SH3RF2: variants seen among roughly 807,000 people sequenced by gnomAD.
The protein encoded by SH3RF2 is E3 ubiquitin-protein ligase SH3RF2.
A neutral mutation model predicts 59.0 loss-of-function variants in SH3RF2; 43 were observed. The ratio of observed to expected loss-of-function variants is 0.73; its 90% CI spans 0.57 to 0.94. The LOEUF is 0.94. Among genes scored for constraint, SH3RF2 ranks in the 40% least tolerant of loss-of-function variants. The pLI, the probability that SH3RF2 is intolerant of heterozygous loss-of-function variation, is 0.00. For missense variants in SH3RF2, 930 were observed against 940.1 expected (o/e 0.99, Z 0.14); for synonymous variants, 391 against 391.5 (o/e 1.00, Z 0.01).
intron 4 of SH3RF2, among the ~76,000 whole-genome samples, chr5:146,007,182 C>G (rs78778224): frequency 0.014 from 2,147 of 152,248 alleles, 54 homozygotes; most frequent in African/African-American, 0.049. Context: ...GTTTGGATTT[C>G]TTAAAGACTG....
At chr5:146,048,373 A>G (rs1437732669) in intron 6 of SH3RF2, among the ~76,000 whole-genome samples, 1 of 151,912 alleles carries the variant, frequency 6.6e-6, no homozygotes, top group African/African-American at 2.4e-5. Context: ...TCATTATTTT[A>G]CAAAAGTAGA....
intron 2 of SH3RF2, among the ~76,000 whole-genome samples, chr5:145,966,337 G>A (rs1156532513): frequency 6.6e-6 from 1 of 152,170 alleles, no homozygotes; most frequent in African/African-American, 2.4e-5. Flanking sequence ...AGATTCTGGA[G>A]ACTCAATTTC....
chr5:145,957,534 T>C (rs553324762), intron 2 of SH3RF2, among the ~76,000 whole-genome samples: 20 of 152,190 alleles, frequency 1.3e-4, no homozygotes, highest in Non-Finnish European at 2.5e-4. Flanking sequence ...TGTTTAACTA[T>C]TGCAGCCCCT....
chr5:146,046,085 G>C (rs11740646), intron 5 of SH3RF2, among the ~76,000 whole-genome samples: 1 of 151,952 alleles, frequency 6.6e-6, no homozygotes, highest in Non-Finnish European at 1.5e-5. Flanking sequence ...AATCATTGAC[G>C]TAGACACATG....
At chr5:145,980,912 C>A (rs773412123) in intron 2 of SH3RF2, among the ~76,000 whole-genome samples, 1 of 152,100 alleles carries the variant, frequency 6.6e-6, no homozygotes, top group Non-Finnish European at 1.5e-5. Context: ...TCACTTCCTC[C>A]CCCTACTGGA....
intron 5 of SH3RF2, among the ~76,000 whole-genome samples, chr5:146,025,945 T>C (rs1299738810): frequency 1.3e-5 from 2 of 152,224 alleles, no homozygotes; most frequent in African/African-American, 4.8e-5. Flanking sequence ...TAACTCAAGC[T>C]GCAGCCATTG....
intron 7 of SH3RF2, among the ~76,000 whole-genome samples, chr5:146,049,664 A>C (rs765359355): frequency 2.6e-5 from 4 of 152,004 alleles, no homozygotes; most frequent in African/African-American, 4.8e-5. Context: ...ACTTCCCCAG[A>C]GCACCTCGGG....
intron 2 of SH3RF2, among the ~76,000 whole-genome samples, chr5:145,990,320 C>G (rs1282250098): frequency 6.6e-6 from 1 of 152,224 alleles, no homozygotes; most frequent in Non-Finnish European, 1.5e-5. Flanking sequence ...CCAAAGTCCA[C>G]AACCTGAAGG....
chr5:145,953,881 A>G (rs537237677), intron 2 of SH3RF2, among the ~76,000 whole-genome samples: 1 of 152,278 alleles, frequency 6.6e-6, no homozygotes, highest in South Asian at 2.1e-4. Context: ...CCCTCAAAAG[A>G]CACGATCTCA....
chr5:146,037,467 A>G (rs1165206478), intron 5 of SH3RF2, among the ~76,000 whole-genome samples: 3 of 152,120 alleles, frequency 2.0e-5, no homozygotes, highest in Non-Finnish European at 4.4e-5. Flanking sequence ...ACTTGAATTG[A>G]TGATGTATGG....
chr5:146,015,923 A>G (rs1360220198), intron 5 of SH3RF2, among the ~76,000 whole-genome samples: 2 of 152,212 alleles, frequency 1.3e-5, no homozygotes, highest in Non-Finnish European at 2.9e-5. Context: ...TGGCCCACTT[A>G]TGACATATCT....
intron 2 of SH3RF2, among the ~76,000 whole-genome samples, chr5:145,949,599 C>G (rs1758118143): frequency 6.6e-6 from 1 of 152,150 alleles, no homozygotes; most frequent in African/African-American, 2.4e-5. Context: ...CAAATTTCTC[C>G]TCAGAGTGGT....
At chr5:145,992,737 G>T (rs1759997215) in intron 2 of SH3RF2, among the ~76,000 whole-genome samples, 1 of 152,036 alleles carries the variant, frequency 6.6e-6, no homozygotes, top group Admixed American at 6.6e-5. Context: ...GGAAAGACTT[G>T]CCCCTGTGAT....
intron 4 of SH3RF2, among the ~76,000 whole-genome samples, chr5:146,007,075 G>A (rs760156101): frequency 5.9e-5 from 9 of 152,216 alleles, no homozygotes; most frequent in Non-Finnish European, 8.8e-5. Flanking sequence ...AAGGGAACAC[G>A]TGAAACACTG....
At chr5:146,006,408 A>G (rs1183630364) in intron 4 of SH3RF2, among the ~76,000 whole-genome samples, 3 of 152,178 alleles carry the variant, frequency 2.0e-5, no homozygotes, top group African/African-American at 7.2e-5. Context: ...ACAACAGAGC[A>G]AGACCCTATC....
At chr5:145,948,399 C>T (rs1358645319) in intron 2 of SH3RF2, among the ~76,000 whole-genome samples, 1 of 152,204 alleles carries the variant, frequency 6.6e-6, no homozygotes, top group Non-Finnish European at 1.5e-5. Flanking sequence ...GGTGGTGAGT[C>T]CTGGCCTCAT....
chr5:145,964,312 C>CTTTTTT (rs750453314), intron 2 of SH3RF2, among the ~76,000 whole-genome samples: 1 of 111,190 alleles, frequency 9.0e-6, no homozygotes, highest in Non-Finnish European at 1.9e-5. Flanking sequence ...TCCTTTCTTT[C>CTTTTTT]TTTTTTTTTT....
At chr5:146,076,288 C>A (rs1287477174) in intron 9 of SH3RF2, among the ~76,000 whole-genome samples, 1 of 152,158 alleles carries the variant, frequency 6.6e-6, no homozygotes, top group East Asian at 1.9e-4. Flanking sequence ...GCTGCCGACA[C>A]CAAGACTGAT....
At chr5:146,029,606 A>G (rs1020660542) in intron 5 of SH3RF2, among the ~76,000 whole-genome samples, 4 of 152,030 alleles carry the variant, frequency 2.6e-5, no homozygotes, top group African/African-American at 4.8e-5. Flanking sequence ...CTTCTGTGCT[A>G]TTTGCTTTCT....
Sources: allele counts gnomAD v4.1 joint callset (sites outside exome capture counted in the v4.1 genomes callset), GRCh38; gene constraint gnomAD v4.1.1; transcripts MANE v1.5; gene names NCBI Gene and HGNC (gene_info 2026-07-23, HGNC 2026-07-21).